Variants in RABGAP1L observed in about 807,000 individuals in gnomAD.
The protein encoded by RABGAP1L is RAB GTPase activating protein 1 like, also known as rab GTPase-activating protein 1-like.
In RABGAP1L, 63 loss-of-function variants were observed where a neutral mutation model predicts 137.7. That is an observed-to-expected ratio of 0.46 (90% CI 0.37 to 0.56). The LOEUF is 0.56. RABGAP1L is among the 20% of genes least tolerant of loss of function. The pLI, the probability that RABGAP1L is intolerant of heterozygous loss-of-function variation, is 0.00. For missense variants in RABGAP1L, 1,095 were observed against 1,244.0 expected, an observed-to-expected ratio of 0.88 and a Z score of 1.80; for synonymous variants, 431 against 433.7, an observed-to-expected ratio of 0.99 and a Z score of 0.08.
At chr1:174,479,512 A>C (rs1658858937) in intron 13 of RABGAP1L, among the ~76,000 whole-genome samples, 1 of 152,180 alleles carries the variant, frequency 6.6e-6, no homozygotes, top group African/African-American at 2.4e-5. Context: ...GATACTTTAA[A>C]GTTTGGAATT....
At chr1:174,930,516 T>C (rs1254415365) in intron 19 of RABGAP1L, among the ~76,000 whole-genome samples, 1 of 152,094 alleles carries the variant, frequency 6.6e-6, no homozygotes, top group Non-Finnish European at 1.5e-5. Context: ...AGGGTTTCAC[T>C]GTGTTCTCCA....
chr1:174,242,501 A>G (rs533602344), intron 5 of RABGAP1L, among the ~76,000 whole-genome samples: 24 of 152,366 alleles, frequency 1.6e-4, no homozygotes, highest in Admixed American at 1.1e-3. Flanking sequence ...TCTAGCCTCT[A>G]TCATGAAACA....
chr1:174,332,380 T>TTTTA (rs57912999), intron 11 of RABGAP1L, among the ~76,000 whole-genome samples: 26,345 of 149,722 alleles, frequency 0.18, 2,469 homozygotes, highest in Middle Eastern at 0.34. Flanking sequence ...TTATCTAAAT[T>TTTTA]TTTATTTATT....
intron 23 of RABGAP1L, among the ~76,000 whole-genome samples, chr1:174,979,211 T>TA (rs1670896334): frequency 1.3e-5 from 2 of 152,134 alleles, no homozygotes; most frequent in African/African-American, 4.8e-5. Context: ...AAAAAGTAAT[T>TA]ATTTTGTTGT....
intron 10 of RABGAP1L, among the ~76,000 whole-genome samples, chr1:174,289,210 T>A (rs933371033): frequency 2.0e-5 from 3 of 152,128 alleles, no homozygotes; most frequent in South Asian, 2.1e-4. Context: ...CCTAATTTTT[T>A]AAAAATAACT....
chr1:174,195,384 T>C (rs1667495031), intron 1 of RABGAP1L, among the ~76,000 whole-genome samples: 1 of 152,222 alleles, frequency 6.6e-6, no homozygotes. Flanking sequence ...TGGCATGTTT[T>C]AATTAATTTT....
chr1:174,711,551 G>A (rs1421598406), intron 17 of RABGAP1L, among the ~76,000 whole-genome samples: 1 of 152,192 alleles, frequency 6.6e-6, no homozygotes, highest in Non-Finnish European at 1.5e-5. Context: ...GCCAGCAGCT[G>A]TGGAGGGTGC....
At chr1:174,306,217 A>G (rs569709345) in intron 11 of RABGAP1L, among the ~76,000 whole-genome samples, 7 of 152,352 alleles carry the variant, frequency 4.6e-5, no homozygotes, top group African/African-American at 9.6e-5. Context: ...TAGTGCTGCA[A>G]TAAACGTACG....
At chr1:174,480,114 TA>T (rs1286602278) in intron 13 of RABGAP1L, among the ~76,000 whole-genome samples, 1 of 152,206 alleles carries the variant, frequency 6.6e-6, no homozygotes, top group Non-Finnish European at 1.5e-5. Context: ...TATCTTTTAA[TA>T]ACTTTAAGAT....
chr1:174,851,713 T>G (rs1474880141), intron 19 of RABGAP1L, among the ~76,000 whole-genome samples: 1 of 150,380 alleles, frequency 6.6e-6, no homozygotes, highest in Non-Finnish European at 1.5e-5. Flanking sequence ...AGAGACAGAG[T>G]CTCTCTGTGG....
chr1:174,748,140 TA>T (rs1415931724), intron 17 of RABGAP1L, among the ~76,000 whole-genome samples: 1 of 152,232 alleles, frequency 6.6e-6, no homozygotes, highest in African/African-American at 2.4e-5. Context: ...TTTTTACTTG[TA>T]AGTTCTTTGT....
Position 174,448,062 on chromosome 1 carries a change from G to C in RABGAP1L, c.1710+53917G>C. The stretch of plus-strand genomic sequence containing the variant: ...CGGTGTTTAACAGATGCTGGGCAGG[G>C]CATCTGCTTGCTGTAGCCAAGTCTG... On this transcript the variant is annotated intron_variant, in intron 13 of 25. Transcript: ENST00000681986. The surrounding 1 kb of genome is among the most constrained non-coding windows in gnomAD (Gnocchi z 4.2). 1 of 1,533,026 alleles carries C rather than the reference G, an allele frequency of 6.5e-7. No homozygotes were observed. Among genetic ancestry groups the C allele is most frequent in the Non-Finnish European group, 8.9e-7 (1 of 1,125,002 alleles). 95.0% of individuals were successfully genotyped at this position (1,533,026 alleles called of 1,614,324 possible).
At chr1:174,241,796 A>T (rs1671849632) in intron 5 of RABGAP1L, 139 bp downstream of exon 5, 2 of 788,052 alleles carry the variant, frequency 2.5e-6, no homozygotes, top group East Asian at 2.8e-5. Flanking sequence ...TTGTAATGAC[A>T]TAGAACTGAA....
At chr1:174,847,409 T>G (rs1010482522) in intron 19 of RABGAP1L, among the ~76,000 whole-genome samples, 1 of 151,338 alleles carries the variant, frequency 6.6e-6, no homozygotes, top group Non-Finnish European at 1.5e-5. Context: ...AGGAGCTCTT[T>G]TAGGGCAGGC....
chr1:174,208,941 C>T (rs968879300), intron 1 of RABGAP1L, among the ~76,000 whole-genome samples: 1 of 152,164 alleles, frequency 6.6e-6, no homozygotes, highest in Admixed American at 6.5e-5. Context: ...TGGGGTAGAA[C>T]AGCAGTCCCC....
intron 14 of RABGAP1L, among the ~76,000 whole-genome samples, chr1:174,675,979 T>G (rs950171093): frequency 2.1e-4 from 31 of 147,954 alleles, no homozygotes; most frequent in Non-Finnish European, 3.0e-4. Flanking sequence ...AAACTGAGGG[T>G]TTTTTTTTTG....
At chr1:174,638,999 C>T (rs1674302551) in intron 14 of RABGAP1L, among the ~76,000 whole-genome samples, 1 of 148,000 alleles carries the variant, frequency 6.8e-6, no homozygotes, top group Non-Finnish European at 1.5e-5. Context: ...ATCTAACCTG[C>T]ACAATGTGCA....
intron 17 of RABGAP1L, among the ~76,000 whole-genome samples, chr1:174,729,631 C>T (rs1682292163): frequency 6.6e-6 from 1 of 152,044 alleles, no homozygotes; most frequent in African/African-American, 2.4e-5. Context: ...AAGCAAAAAA[C>T]AAATAACCCC....
At chr1:174,437,719 A>C (rs1310634048) in intron 13 of RABGAP1L, among the ~76,000 whole-genome samples, 3 of 152,120 alleles carry the variant, frequency 2.0e-5, no homozygotes, top group Middle Eastern at 3.2e-3. Flanking sequence ...ATACAGAGAA[A>C]ACCACAAAGA....
Sources: allele counts gnomAD v4.1 joint callset (sites outside exome capture counted in the v4.1 genomes callset), GRCh38; gene constraint gnomAD v4.1.1; non-coding constraint Gnocchi (gnomAD v3.1); transcripts MANE v1.5; gene names NCBI Gene and HGNC (gene_info 2026-07-23, HGNC 2026-07-21).